B3GALT5: variants seen among roughly 807,000 people sequenced by gnomAD.
B3GALT5 encodes the protein UDP-Gal:betaGlcNAc beta 1,3-galactosyltransferase, polypeptide 5.
For missense variants in B3GALT5, 328 were observed against 396.6 expected (o/e 0.83, Z 1.47); for synonymous variants, 156 against 158.6 (o/e 0.98, Z 0.12).
rs550134080 is a variant in B3GALT5, at chr21:39,644,547, G to A, written c.-391-1845G>A. Among the ~76,000 whole-genome samples the A allele has an allele frequency of 3.3e-5, 5 of 152,294 alleles. No individual in the cohort carries two copies. In the South Asian group the frequency reaches 1.0e-3, roughly 32 times the overall value. Reference sequence around the variant, plus strand: ...CATTGCAAAAAGTGCGAAGTTCACAGTGATGGGAAACATAGAGAAGGTACA... The same window carrying A: ...CATTGCAAAAAGTGCGAAGTTCACAATGATGGGAAACATAGAGAAGGTACA... On this transcript the variant is annotated intron_variant, in intron 1 of 3. Coordinates refer to ENST00000684187, the MANE Select transcript of B3GALT5 (RefSeq NM_001356336.2).
intron 1 of B3GALT5, among the ~76,000 whole-genome samples, chr21:39,627,939 G>T (rs566951153): frequency 2.6e-5 from 4 of 152,292 alleles, no homozygotes; most frequent in African/African-American, 7.2e-5. Flanking sequence ...CTGCACATCA[G>T]TGTAACTGTA....
chr21:39,623,743 C>T (rs558596119), intron 1 of B3GALT5, among the ~76,000 whole-genome samples: 12 of 152,196 alleles, frequency 7.9e-5, no homozygotes, highest in Non-Finnish European at 8.8e-5. Flanking sequence ...TCATTTTCGA[C>T]GTTCTGTGGA....
At chr21:39,626,577 T>G in intron 1 of B3GALT5, among the ~76,000 whole-genome samples, 1 of 152,156 alleles carries the variant, frequency 6.6e-6, no homozygotes, top group East Asian at 1.9e-4. Context: ...TTTTCCAGAT[T>G]TCCTTGCCAA....
intron 1 of B3GALT5, among the ~76,000 whole-genome samples, chr21:39,643,446 C>T (rs191728690): frequency 6.6e-6 from 1 of 151,624 alleles, no homozygotes; most frequent in African/African-American, 2.4e-5. Context: ...AAAAGAAAAG[C>T]AAAGCCTGTG....
At chr21:39,616,614 C>T (rs1055640106) in intron 1 of B3GALT5, among the ~76,000 whole-genome samples, 2 of 152,170 alleles carry the variant, frequency 1.3e-5, no homozygotes, top group Non-Finnish European at 2.9e-5. Flanking sequence ...GCAGGTTCAG[C>T]TGAACCTTTA....
chr21:39,634,562 A>T (rs888851513), intron 1 of B3GALT5, among the ~76,000 whole-genome samples: 1 of 151,952 alleles, frequency 6.6e-6, no homozygotes, highest in African/African-American at 2.4e-5. Flanking sequence ...GCTCACATCT[A>T]TAAATGACGG....
intron 1 of B3GALT5, among the ~76,000 whole-genome samples, chr21:39,640,996 C>T (rs751628224): frequency 5.9e-5 from 9 of 152,214 alleles, no homozygotes; most frequent in Non-Finnish European, 1.2e-4. Context: ...CTACCTGCTT[C>T]AGGCTCCCAG....
intron 1 of B3GALT5, among the ~76,000 whole-genome samples, chr21:39,617,393 C>A (rs1369937867): frequency 6.6e-6 from 1 of 152,164 alleles, no homozygotes; most frequent in African/African-American, 2.4e-5. Flanking sequence ...TTCTGCATGG[C>A]TGGGGAGGCC....
intron 1 of B3GALT5, among the ~76,000 whole-genome samples, chr21:39,623,196 CTCCT>C (rs2079143719): frequency 1.0e-5 from 1 of 96,008 alleles, no homozygotes; most frequent in African/African-American, 4.0e-5. Flanking sequence ...CCATCCCTCC[CTCCT>C]TCCTCCCTCC....
In B3GALT5 at chr21:39,662,391, T is replaced by G. The variant is rs1357474604; in HGVS notation, c.*899T>G. On this transcript the variant is annotated 3_prime_UTR_variant, in exon 4 of 4. Transcript: ENST00000684187. Reference sequence around the variant, plus strand: ...GACCAGCCACTGCCCCAGGAGCACTTTAGGGCTCTCAGTTCAAACTGAAGG... The same window carrying G: ...GACCAGCCACTGCCCCAGGAGCACTGTAGGGCTCTCAGTTCAAACTGAAGG... 6.0e-6 allele frequency: 1 copy of G among 167,034 alleles called. No homozygotes were observed. Among genetic ancestry groups the G allele is most frequent in the Non-Finnish European group, 1.5e-5 (1 of 68,108 alleles). The allele number at this position is 167,034 out of a possible 1,614,324, so 10.3% of individuals were successfully genotyped here. A position where few individuals can be genotyped will look rare whatever the true frequency, so the allele number is the denominator to read the frequency against.
rs199571077 is a variant in B3GALT5 at position 39,660,586 on chromosome 21, G to T, written c.27G>T (p.Met9Ile). Residue 9 changes from methionine (M) to isoleucine (I), a missense_variant, in exon 4 of 4, where the codon ATG (methionine) becomes ATT (isoleucine). By Grantham distance (10) the Met-to-Ile change is conservative. Coordinates refer to ENST00000684187, the MANE Select transcript of B3GALT5 (RefSeq NM_001356336.2). MAFPKMRL[M>I]YICLLVLGAL... ...TGGCTTTCCCGAAGATGAGATTGAT[G>T]TATATTTGCCTTCTGGTTCTGGGGG... 3.1e-5 allele frequency: 45 copies of T among 1,433,220 alleles called. No homozygotes were observed. The highest frequency in any genetic ancestry group is 4.1e-5 in the Non-Finnish European group (45 of 1,090,724). The allele number at this position is 1,433,220 out of a possible 1,614,324, so 88.8% of individuals were successfully genotyped here.
At chr21:39,652,369 G>C (rs2079404202) in intron 2 of B3GALT5, among the ~76,000 whole-genome samples, 1 of 152,264 alleles carries the variant, frequency 6.6e-6, no homozygotes, top group African/African-American at 2.4e-5. Context: ...CTGAGTTGAG[G>C]TTTGTTAGGA....
chr21:39,661,197 T>C lies in B3GALT5; in HGVS notation c.638T>C (p.Phe213Ser). The C allele has an allele frequency of 6.2e-7, 1 of 1,614,172 alleles. No individual in the cohort carries two copies. ...TATCCGTGGGACAGGTACCCACCAT[T>C]CTGCTCCGGCACCGGCTACGTGTTT... ...SEYPWDRYPP[F>S]CSGTGYVFSG... The change falls in exon 4 of 4, where the codon TTC (phenylalanine) becomes TCC (serine). Residue 213 changes from phenylalanine to serine, a missense_variant. Transcript: ENST00000684187. The surrounding 1 kb of genome is among the most constrained non-coding windows in gnomAD (Gnocchi z 4.7).
intron 1 of B3GALT5, among the ~76,000 whole-genome samples, chr21:39,639,312 T>C (rs139376320): frequency 1.0e-4 from 10 of 96,750 alleles, no homozygotes; most frequent in African/African-American, 4.2e-4. Context: ...CTTTCTTTCT[T>C]TCTTTCTTTC....
chr21:39,639,347 T>TTTCTTTCCTTCCTTCCTTCCTTCC (rs762994044), intron 1 of B3GALT5, among the ~76,000 whole-genome samples: 1 of 66,736 alleles, frequency 1.5e-5, no homozygotes, highest in Non-Finnish European at 2.9e-5. Flanking sequence ...TCTTTCTTTC[T>TTTCTTTCCTTCCTTCCTTCCTTCC]TTCCTTCCTT....
rs1447455873 is a variant in B3GALT5 at position 39,672,508 on chromosome 21, A to G, written c.*11016A>G. The G allele has an allele frequency of 6.6e-6, 1 of 152,188 alleles. No homozygotes were observed. 9.4% of individuals were successfully genotyped at this position (152,188 alleles called of 1,614,324 possible). ...GGGGGATCTGCTAGACTCTTATGTC[A>G]TTGTATTTTGGAAATGGGTATATGT... is the stretch of plus-strand genomic sequence containing the variant. On this transcript the variant is annotated 3_prime_UTR_variant, in exon 4 of 4. Coordinates refer to ENST00000684187, the MANE Select transcript of B3GALT5 (RefSeq NM_001356336.2).
intron 1 of B3GALT5, among the ~76,000 whole-genome samples, chr21:39,644,740 T>C (rs1275102988): frequency 6.6e-6 from 1 of 152,204 alleles, no homozygotes; most frequent in Non-Finnish European, 1.5e-5. Flanking sequence ...AATTCTCACA[T>C]CAACCTTCAG....
rs1418569906 is a variant in B3GALT5, at chr21:39,667,637, G to A, written c.*6145G>A. On this transcript the variant is annotated 3_prime_UTR_variant, in exon 4 of 4. Coordinates refer to ENST00000684187, the MANE Select transcript of B3GALT5 (RefSeq NM_001356336.2). ...CTGTACTGACGTACAGCCTTGCAGA[G>A]CCTCCAGCTTCCATGGTGGCAGGAG... 1 of 152,224 alleles carries A rather than the reference G, an allele frequency of 6.6e-6. No homozygotes were observed. The highest frequency in any genetic ancestry group is 2.4e-5 in the African/African-American group (1 of 41,446). 9.4% of individuals were successfully genotyped at this position (152,224 alleles called of 1,614,324 possible). A position where few individuals can be genotyped will look rare whatever the true frequency, so the allele number is the denominator to read the frequency against.
At position 39,639,390 on chromosome 21, in the gene B3GALT5, C is replaced by CTTT. The variant is rs1569212298; in HGVS notation, c.-391-7002_-391-7001insTTT. Reference sequence around the variant, plus strand: ...TCCTTCCTTCCTTCCTTCCTTCCTTCCTTCTTTCTTTTTCTTTCTTTCTTT... The same window carrying CTTT: ...TCCTTCCTTCCTTCCTTCCTTCCTTCTTTCTTCTTTCTTTTTCTTTCTTTCTTT... On this transcript the variant is annotated intron_variant, in intron 1 of 3. Coordinates refer to ENST00000684187, the MANE Select transcript of B3GALT5 (RefSeq NM_001356336.2). Among the ~76,000 whole-genome samples, 313 of 114,574 alleles carry CTTT rather than the reference C, an allele frequency of 2.7e-3. 2 individuals are homozygous for CTTT. The highest frequency in any genetic ancestry group is 0.014 in the Middle Eastern group (3 of 218). The allele number at this position is 114,574 out of a possible 152,430, so 75.2% of individuals were successfully genotyped here. A position where few individuals can be genotyped will look rare whatever the true frequency, so the allele number is the denominator to read the frequency against.
Sources: gnomAD v4.1 joint callset for allele counts (sites outside exome capture counted in the v4.1 genomes callset) on GRCh38, gnomAD v4.1.1 for gene constraint, Gnocchi (gnomAD v3.1) non-coding constraint, MANE v1.5 for transcripts, NCBI Gene and HGNC (gene_info 2026-07-23, HGNC 2026-07-21) for gene names.